DNAH17: variants seen among roughly 807,000 people sequenced by gnomAD.
DNAH17 encodes axonemal beta dynein heavy chain 17.
A neutral mutation model predicts 485.6 loss-of-function variants in DNAH17; 376 were observed. The ratio of observed to expected loss-of-function variants is 0.77; its 90% confidence interval spans 0.71 to 0.84. DNAH17 has a LOEUF of 0.84. Among genes scored for constraint, DNAH17 ranks in the 40% least tolerant of loss-of-function variants. The pLI is 0.00. For synonymous variants in DNAH17, 3,031 were observed against 2,405.9 expected (o/e 1.26, Z -7.60); for missense variants, 6,370 against 5,839.3 (o/e 1.09, Z -2.96).
intron 13 of DNAH17, among the ~76,000 whole-genome samples, chr17:78,560,032 C>T (rs2092118046): frequency 6.6e-6 from 1 of 152,176 alleles, no homozygotes; most frequent in African/African-American, 2.4e-5. Flanking sequence ...TCCTGCTCTT[C>T]CTTCCGCGGA....
At chr17:78,483,629 T>C (rs1299934124) in intron 48 of DNAH17, among the ~76,000 whole-genome samples, 1 of 83,358 alleles carries the variant, frequency 1.2e-5, no homozygotes, top group Non-Finnish European at 2.4e-5. Flanking sequence ...AAACTCTGTC[T>C]TGGAAATAAT....
chr17:78,485,624 TCCAGCTTGTCCC>T lies in DNAH17; in HGVS notation c.7397_7408del (p.Gly2466_Leu2469del). On this transcript the variant is annotated inframe_deletion, in exon 47 of 81. Coordinates refer to ENST00000389840, the MANE Select transcript of DNAH17 (RefSeq NM_173628.4). ...CAGGTAGTTGTCCGTGTTCAGGCTT[TCCAGCTTGTCCC>T]CCATCAGCACCGACTTGCCCGTCCC... 1 of 1,613,978 alleles carries T rather than the reference TCCAGCTTGTCCC, an allele frequency of 6.2e-7. No individual in the cohort carries two copies. Among genetic ancestry groups the T allele is most frequent in the Non-Finnish European group, 8.5e-7 (1 of 1,179,872 alleles).
At chr17:78,466,536 C>T (rs954712810) in intron 56 of DNAH17, 119 bp downstream of exon 56, 46 of 914,002 alleles carry the variant, frequency 5.0e-5, no homozygotes, top group South Asian at 1.6e-4. Flanking sequence ...GAGCCCAAGG[C>T]GGACGCCTCA....
intron 18 of DNAH17, among the ~76,000 whole-genome samples, chr17:78,539,167 T>C (rs2091456539): frequency 1.3e-5 from 2 of 151,892 alleles, no homozygotes; most frequent in African/African-American, 4.8e-5. Flanking sequence ...GAGGTGGAGT[T>C]TGCAGTGAGC....
intron 25 of DNAH17, among the ~76,000 whole-genome samples, chr17:78,524,752 G>A (rs139005768): frequency 1.1e-3 from 162 of 152,202 alleles, no homozygotes; most frequent in African/African-American, 3.4e-3. Flanking sequence ...GGAAAAAGAC[G>A]AAGGGAGGGG....
intron 14 of DNAH17, 150 bp downstream of exon 14, chr17:78,557,958 C>T: frequency 1.0e-6 from 1 of 970,164 alleles, no homozygotes; most frequent in Non-Finnish European, 1.5e-6. Flanking sequence ...AGCAGGTACT[C>T]AGTAAGTATG....
intron 19 of DNAH17, among the ~76,000 whole-genome samples, 189 bp downstream of exon 19, chr17:78,537,110 G>A (rs563400798): frequency 1.9e-4 from 29 of 151,184 alleles, no homozygotes; most frequent in Admixed American, 4.6e-4. Context: ...CCCAGGAGGC[G>A]GAGGTTGCAG....
Position 78,569,152 on chromosome 17 carries a change from A to G in DNAH17, c.1284+14T>C. 6.3e-7 allele frequency: 1 copy of G among 1,581,096 alleles called. No homozygotes were observed. On this transcript the variant is annotated intron_variant, in intron 9 of 80. Coordinates refer to ENST00000389840, the MANE Select transcript of DNAH17 (RefSeq NM_173628.4). ...GGGAAGTGGAGGTCAAGATGCACCGAGTTCTGTTTTTACCTCAATGGTCTG... is the reference window on the plus strand; with the variant it reads ...GGGAAGTGGAGGTCAAGATGCACCGGGTTCTGTTTTTACCTCAATGGTCTG...
intron 64 of DNAH17, 78 bp from the exon 65 acceptor site, chr17:78,453,543 C>G: frequency 4.4e-6 from 7 of 1,575,468 alleles, no homozygotes; most frequent in Non-Finnish European, 6.1e-6. Flanking sequence ...ACCAGCAGCC[C>G]CTGCCCTCTG....
rs1002910925 is a variant in DNAH17, at chr17:78,526,988, C to T, written c.3516G>A (p.Pro1172=). The change falls in exon 23 of 81, where the codon CCG becomes CCA. Residue 1172 remains proline (P), a synonymous_variant. Transcript: ENST00000389840. Reference sequence around the variant, plus strand: ...GTTTCTTGGTATTTGCCCAGTGCTCCGGCAGCTCCTGCGGGAAGCAAAGGC... The same window carrying T: ...GTTTCTTGGTATTTGCCCAGTGCTCTGGCAGCTCCTGCGGGAAGCAAAGGC... The part of the protein sequence containing the change: ...EEIHLKLQEL[P]EHWANTKKLA... 43 of 1,577,082 alleles carry T rather than the reference C, an allele frequency of 2.7e-5. No homozygotes were observed. The highest frequency in any genetic ancestry group is 3.0e-5 in the Non-Finnish European group (35 of 1,161,476).
At chr17:78,431,511 A>C (rs2086673432) in intron 75 of DNAH17, among the ~76,000 whole-genome samples, 1 of 149,988 alleles carries the variant, frequency 6.7e-6, no homozygotes, top group Non-Finnish European at 1.5e-5. Flanking sequence ...GAGTCCCTGC[A>C]GGTTGCTCTG....
Position 78,510,488 on chromosome 17 carries a change from C to G in DNAH17, c.4132G>C (p.Glu1378Gln), listed in dbSNP as rs766989756. The change falls in exon 27 of 81, where the codon GAA (glutamate) becomes CAA (glutamine). Residue 1378 changes from glutamate (E) to glutamine (Q), a missense_variant. Transcript: ENST00000389840. The stretch of plus-strand genomic sequence containing the variant: ...AGTAAATCTGCCAGGGTCGTCTCTT[C>G]TGACATTTTAAATTTCACCTAAGGG... ...QATQVKFKMS[E>Q]ETTLADLLQL... 1 of 1,613,788 alleles carries G rather than the reference C, an allele frequency of 6.2e-7. No individual in the cohort carries two copies. The highest frequency in any genetic ancestry group is 1.3e-5 in the African/African-American group (1 of 74,938).
chr17:78,433,895 A>C, intron 75 of DNAH17, 134 bp downstream of exon 75: 1 of 651,956 alleles, frequency 1.5e-6, no homozygotes, highest in Non-Finnish European at 2.2e-6. Flanking sequence ...TTTAAGCCTA[A>C]GACAAAGACC....
In DNAH17 at chr17:78,545,563, T is replaced by C. The variant is rs59392391; in HGVS notation, c.2392-1566A>G. On this transcript the variant is annotated intron_variant, in intron 16 of 80. Transcript: ENST00000389840. ...GTCTGTTGCTATAAGGGCACGAATC[T>C]CCTTCGTGATGGCTCTATTCTCATG... Among the ~76,000 whole-genome samples, 1,059 of 152,230 alleles carry C rather than the reference T, an allele frequency of 7.0e-3. 32 individuals are homozygous for C. In the East Asian group the frequency reaches 0.073, roughly 10 times the overall value.
chr17:78,445,258 G>A (rs1203315414), intron 70 of DNAH17, among the ~76,000 whole-genome samples: 2 of 151,980 alleles, frequency 1.3e-5, no homozygotes, highest in Non-Finnish European at 2.9e-5. Context: ...AGAGGTTGAG[G>A]GAGGGATGGT....
chr17:78,442,669 C>A (rs903799637), intron 71 of DNAH17, among the ~76,000 whole-genome samples: 3 of 152,240 alleles, frequency 2.0e-5, no homozygotes, highest in Non-Finnish European at 2.9e-5. Flanking sequence ...GACATGGTGG[C>A]TTTGACAAAG....
intron 65 of DNAH17, among the ~76,000 whole-genome samples, chr17:78,453,011 CGT>C (rs1208390070): frequency 2.0e-5 from 3 of 152,106 alleles, no homozygotes; most frequent in African/African-American, 7.2e-5. Flanking sequence ...GTTAATTTTA[CGT>C]TATGTGAATT....
chr17:78,433,429 G>A (rs1341134401), intron 75 of DNAH17, among the ~76,000 whole-genome samples: 4 of 152,224 alleles, frequency 2.6e-5, no homozygotes, highest in Non-Finnish European at 5.9e-5. Context: ...TCTGTGCCCC[G>A]ACCTGTGCCT....
Position 78,449,417 on chromosome 17 carries a change from A to C in DNAH17, c.11208T>G (p.Phe3736Leu). ...GAACAGTGAGGCTAGACATTACCTGAAACGTAACTTGTGCCAGGAAAATGA... is the reference window on the plus strand; with the variant it reads ...GAACAGTGAGGCTAGACATTACCTGCAACGTAACTTGTGCCAGGAAAATGA... ...DKLIFLAQVTFQVLSMKKELN... is the reference protein window; with the variant it reads ...DKLIFLAQVTLQVLSMKKELN... The change falls in exon 69 of 81, where the codon TTT (phenylalanine) becomes TTG (leucine). Residue 3736 changes from phenylalanine (F) to leucine (L), a missense_variant. Phe to Leu is a conservative substitution (Grantham distance 22, BLOSUM62 0). Transcript: ENST00000389840. 4.5e-6 allele frequency: 7 copies of C among 1,549,144 alleles called. No individual in the cohort carries two copies. The highest frequency in any genetic ancestry group is 6.1e-6 in the Non-Finnish European group (7 of 1,145,718).
Sources: allele counts gnomAD v4.1 joint callset (sites outside exome capture counted in the v4.1 genomes callset), GRCh38; gene constraint gnomAD v4.1.1; transcripts MANE v1.5; gene names NCBI Gene and HGNC (gene_info 2026-07-23, HGNC 2026-07-21).